The following WDFY4 variants were observed in gnomAD, a reference collection of about 807,000 sequenced individuals.
The protein encoded by WDFY4 is WDFY family member 4, also known as WD repeat- and FYVE domain-containing protein 4.
Under a neutral mutation model 351.9 loss-of-function variants are expected in WDFY4, and 169 were observed. The ratio of observed to expected loss-of-function variants is 0.48; its 90% CI spans 0.42 to 0.55. WDFY4 has a LOEUF of 0.55. Among genes scored for constraint, WDFY4 ranks in the 20% least tolerant of loss-of-function variants. The pLI, the probability that WDFY4 is intolerant of heterozygous loss-of-function variation, is 0.00. For missense variants in WDFY4, 3,803 were observed against 3,935.6 expected, an observed-to-expected ratio of 0.97 and a Z score of 0.90; for synonymous variants, 1,622 against 1,574.6, an observed-to-expected ratio of 1.03 and a Z score of -0.71.
intron 6 of WDFY4, among the ~76,000 whole-genome samples, 173 bp from the exon 7 acceptor site, chr10:48,727,297 A>T (rs1459382355): frequency 6.6e-5 from 10 of 152,132 alleles, no homozygotes. Context: ...AGCTGTCAGG[A>T]TGGCACTTTC....
intron 47 of WDFY4, chr10:48,913,238 A>G: frequency 1.4e-6 from 1 of 728,868 alleles, no homozygotes; most frequent in Non-Finnish European, 2.3e-6. Flanking sequence ...CAACACAATC[A>G]CACGCCGAGA....
At chr10:48,837,036 T>C (rs2068424253) in intron 39 of WDFY4, among the ~76,000 whole-genome samples, 1 of 152,214 alleles carries the variant, frequency 6.6e-6, no homozygotes, top group South Asian at 2.1e-4. Flanking sequence ...TTAATAACTT[T>C]ATAGGAAAAC....
At chr10:48,835,450 G>T (rs2068352982) in intron 39 of WDFY4, among the ~76,000 whole-genome samples, 1 of 152,174 alleles carries the variant, frequency 6.6e-6, no homozygotes, top group Non-Finnish European at 1.5e-5. Context: ...ATGTGTGCTG[G>T]GCAGCAAAGG....
At chr10:48,947,452 T>A (rs922297503) in intron 51 of WDFY4, among the ~76,000 whole-genome samples, 1 of 152,220 alleles carries the variant, frequency 6.6e-6, no homozygotes, top group Non-Finnish European at 1.5e-5. Context: ...AACAGACCAT[T>A]ATACCAGCTT....
chr10:48,792,441 A>G (rs2066716350), intron 23 of WDFY4, among the ~76,000 whole-genome samples: 1 of 152,212 alleles, frequency 6.6e-6, no homozygotes, highest in Non-Finnish European at 1.5e-5. Flanking sequence ...GACACCATGA[A>G]GACACTCAGT....
chr10:48,818,895 C>A (rs770386896), intron 32 of WDFY4, among the ~76,000 whole-genome samples: 1 of 152,212 alleles, frequency 6.6e-6, no homozygotes, highest in Admixed American at 6.5e-5. Flanking sequence ...CGCAGGCAGC[C>A]TGGCCAGGGA....
chr10:48,893,708 A>G (rs1836930863), intron 44 of WDFY4, among the ~76,000 whole-genome samples: 2 of 152,228 alleles, frequency 1.3e-5, no homozygotes, highest in Admixed American at 1.3e-4. Flanking sequence ...AATTCTGGCA[A>G]CAGTCAGGTA....
intron 53 of WDFY4, among the ~76,000 whole-genome samples, chr10:48,962,464 C>G (rs1048804142): frequency 6.6e-6 from 1 of 152,160 alleles, no homozygotes; most frequent in Non-Finnish European, 1.5e-5. Flanking sequence ...AAGCTAGGTT[C>G]TATTCAGTAG....
chr10:48,744,440 C>A (rs2064949658), intron 12 of WDFY4, among the ~76,000 whole-genome samples: 1 of 152,190 alleles, frequency 6.6e-6, no homozygotes, highest in Non-Finnish European at 1.5e-5. Flanking sequence ...TAATTGGTTT[C>A]CTAATCTTGC....
chr10:48,804,778 G>GGT lies in WDFY4; in HGVS notation c.4485-481_4485-480insTG, dbSNP rs891076134. 110 of 984,544 alleles carry GGT rather than the reference G, an allele frequency of 1.1e-4. No homozygotes were observed. In the African/African-American group the frequency reaches 1.6e-3, roughly 14 times the overall value. The allele number at this position is 984,544 out of a possible 1,614,324, so 61.0% of individuals were successfully genotyped here. A position where few individuals can be genotyped will look rare whatever the true frequency, so the allele number is the denominator to read the frequency against. The stretch of plus-strand genomic sequence containing the variant: ...TTGGATTTGTGAGTATCTGAGGGAG[G>GGT]GGGTATGGATAGGTGGATTCTGTCT... On this transcript the variant is annotated intron_variant, in intron 25 of 61. Transcript: ENST00000325239.
At position 48,901,780 on chromosome 10, in the gene WDFY4, A is replaced by G. The variant is rs576839041; in HGVS notation, c.7524-21A>G. On this transcript the variant is annotated intron_variant, in intron 46 of 61. Coordinates refer to ENST00000325239, the MANE Select transcript of WDFY4 (RefSeq NM_001394531.1). ...GGGTCTTGACTCTGCTGATGGAATT[A>G]TCCCTTCCCTTTTCATGTAGCTTCT... is the stretch of plus-strand genomic sequence containing the variant. The G allele has an allele frequency of 4.6e-4, 715 of 1,551,136 alleles. 10 individuals are homozygous for G. The South Asian group carries it at 8.1e-3, about 18-fold the overall frequency.
intron 47 of WDFY4, among the ~76,000 whole-genome samples, chr10:48,907,069 A>G (rs1589847712): frequency 6.6e-6 from 1 of 152,298 alleles, no homozygotes; most frequent in East Asian, 1.9e-4. Flanking sequence ...AGTACTGGGG[A>G]ACCTAATTCT....
intron 43 of WDFY4, among the ~76,000 whole-genome samples, chr10:48,883,351 C>T (rs1253543371): frequency 2.6e-5 from 4 of 152,136 alleles, no homozygotes; most frequent in African/African-American, 7.2e-5. Context: ...ATTGTTGACC[C>T]GTGAACATGT....
intron 14 of WDFY4, 135 bp downstream of exon 14, chr10:48,774,807 G>A: frequency 3.4e-6 from 4 of 1,173,942 alleles, no homozygotes; most frequent in Non-Finnish European, 4.9e-6. Flanking sequence ...TTCAAGGCTG[G>A]AGTCCATGGC....
intron 13 of WDFY4, among the ~76,000 whole-genome samples, chr10:48,772,995 C>A (rs561772365): frequency 6.6e-6 from 1 of 151,660 alleles, no homozygotes; most frequent in Non-Finnish European, 1.5e-5. Context: ...TGAATAATGC[C>A]GCAATAAACA....
chr10:48,933,986 G>A (rs941603118), intron 47 of WDFY4, among the ~76,000 whole-genome samples: 1 of 152,042 alleles, frequency 6.6e-6, no homozygotes, highest in Non-Finnish European at 1.5e-5. Flanking sequence ...ACAACCACAG[G>A]GCTCAGGGGC....
chr10:48,692,505 C>T (rs1204982578), intron 1 of WDFY4, among the ~76,000 whole-genome samples: 1 of 152,174 alleles, frequency 6.6e-6, no homozygotes, highest in African/African-American at 2.4e-5. Flanking sequence ...GATGATTTTC[C>T]CTCCCAAAGT....
chr10:48,873,773 T>C (rs2069880090), intron 41 of WDFY4, 76 bp downstream of exon 41: 1 of 1,466,136 alleles, frequency 6.8e-7, no homozygotes, highest in Admixed American at 2.2e-5. Context: ...AGCTTCCCCA[T>C]CACATGTTGT....
chr10:48,911,043 A>G (rs895051459), intron 47 of WDFY4: 4 of 315,732 alleles, frequency 1.3e-5, no homozygotes, highest in African/African-American at 2.3e-5. Context: ...TGTCTCAATC[A>G]TATGTCTCTG....
Sources: allele counts gnomAD v4.1 joint callset (sites outside exome capture counted in the v4.1 genomes callset), GRCh38; gene constraint gnomAD v4.1.1; transcripts MANE v1.5; gene names NCBI Gene and HGNC (gene_info 2026-07-23, HGNC 2026-07-21).